The following SEMA4D variants were observed in gnomAD, a reference collection of about 807,000 sequenced individuals.
SEMA4D encodes semaphorin 4D.
In SEMA4D, 22 loss-of-function variants were observed where a neutral mutation model predicts 74.8. The ratio of observed to expected loss-of-function variants is 0.29; its 90% CI spans 0.21 to 0.42. The LOEUF is 0.42. SEMA4D is among the 10% of genes least tolerant of loss of function. The pLI is 1.00. For synonymous variants in SEMA4D, 445 were observed against 463.7 expected, an observed-to-expected ratio of 0.96 and a Z score of 0.52; for missense variants, 937 against 1,118.4, an observed-to-expected ratio of 0.84 and a Z score of 2.31.
intron 1 of SEMA4D, among the ~76,000 whole-genome samples, chr9:89,475,850 A>G (rs1473357677): frequency 1.3e-5 from 2 of 152,202 alleles, no homozygotes; most frequent in Non-Finnish European, 2.9e-5. Flanking sequence ...GAAAAAGAAA[A>G]TATCATGGAG....
chr9:89,376,878 G>A, downstream of SEMA4D: 1 of 1,550,860 alleles, frequency 6.4e-7, no homozygotes, highest in African/African-American at 1.4e-5. Context: ...GCGTGCACGT[G>A]CTGTGCCTGG....
chr9:89,372,494 A>G (rs1483864859), downstream of SEMA4D, among the ~76,000 whole-genome samples: 1 of 151,822 alleles, frequency 6.6e-6, no homozygotes, highest in Non-Finnish European at 1.5e-5. Context: ...TGCTAGCCGC[A>G]TGACAAAGCT....
intron 1 of SEMA4D, among the ~76,000 whole-genome samples, chr9:89,461,539 G>C (rs1043372930): frequency 2.6e-5 from 4 of 152,198 alleles, no homozygotes; most frequent in African/African-American, 9.7e-5. Context: ...CCCAGGACAA[G>C]TGTGGGCACC....
intron 1 of SEMA4D, among the ~76,000 whole-genome samples, chr9:89,466,044 T>G (rs1433610872): frequency 1.3e-5 from 2 of 152,070 alleles, no homozygotes; most frequent in Non-Finnish European, 2.9e-5. Context: ...GAGGAGATGG[T>G]CCACCATGTG....
chr9:89,365,261 T>C (rs375547138), intron 16 of SEMA4D: 3 of 152,398 alleles, frequency 2.0e-5, no homozygotes, highest in East Asian at 1.9e-4. Flanking sequence ...AGGTGCTCCT[T>C]CTGTCTCTGA....
intron 1 of SEMA4D, among the ~76,000 whole-genome samples, chr9:89,491,690 T>C (rs1825642050): frequency 6.6e-6 from 1 of 152,120 alleles, no homozygotes; most frequent in Admixed American, 6.5e-5. Flanking sequence ...GGGACCACTC[T>C]CAGAGAAGCA....
intron 1 of SEMA4D, among the ~76,000 whole-genome samples, chr9:89,458,170 C>G (rs757412407): frequency 2.7e-4 from 41 of 152,190 alleles, no homozygotes; most frequent in Non-Finnish European, 4.4e-5. Context: ...GGTGGCCTTA[C>G]GTATGCATGT....
chr9:89,472,049 C>T (rs949652342), intron 1 of SEMA4D, among the ~76,000 whole-genome samples: 2 of 152,200 alleles, frequency 1.3e-5, no homozygotes, highest in Non-Finnish European at 2.9e-5. Flanking sequence ...TGCATGCCCG[C>T]TTAGGTGCAC....
At chr9:89,363,656 C>T in intron 17 of SEMA4D, 1 of 1,592,120 alleles carries the variant, frequency 6.3e-7, no homozygotes, top group Non-Finnish European at 8.6e-7. Flanking sequence ...TGCAAGCATG[C>T]TTTCCAGCTG....
At chr9:89,421,348 A>T (rs1342523158) in intron 2 of SEMA4D, among the ~76,000 whole-genome samples, 1 of 151,972 alleles carries the variant, frequency 6.6e-6, no homozygotes, top group Non-Finnish European at 1.5e-5. Flanking sequence ...ATACCATTAC[A>T]CTCTGCTGAG....
downstream of SEMA4D, chr9:89,376,860 T>TC: frequency 6.5e-7 from 1 of 1,549,882 alleles, no homozygotes; most frequent in South Asian, 1.2e-5. Context: ...AGGTAGAAGT[T>TC]CCCCAGGGCG....
chr9:89,370,496 T>C (rs1455684976), intron 16 of SEMA4D, among the ~76,000 whole-genome samples: 1 of 141,370 alleles, frequency 7.1e-6, no homozygotes, highest in Non-Finnish European at 1.5e-5. Flanking sequence ...ATGAAGGAGG[T>C]ATGGTGTGTG....
At chr9:89,384,580 C>T (rs1014631204) in intron 13 of SEMA4D, 51 of 851,078 alleles carry the variant, frequency 6.0e-5, no homozygotes, top group East Asian at 1.2e-4. Context: ...TGCAAAACAA[C>T]GTGAATGTTC....
chr9:89,398,684 T>C (rs890790096), intron 5 of SEMA4D, among the ~76,000 whole-genome samples: 5 of 152,176 alleles, frequency 3.3e-5, no homozygotes, highest in Non-Finnish European at 5.9e-5. Flanking sequence ...CCTCTGGGGC[T>C]GCGGGGGTCA....
At chr9:89,366,949 A>G (rs1833766010) in intron 16 of SEMA4D, among the ~76,000 whole-genome samples, 1 of 152,168 alleles carries the variant, frequency 6.6e-6, no homozygotes, top group Admixed American at 6.5e-5. Flanking sequence ...GATTGGATTA[A>G]TCACCCAACG....
chr9:89,386,443 G>C lies in SEMA4D; in HGVS notation c.1370C>G (p.Ala457Gly), dbSNP rs749337216. 5.6e-5 allele frequency: 91 copies of C among 1,614,034 alleles called. No homozygotes were observed. Among genetic ancestry groups the C allele is most frequent in the Non-Finnish European group, 7.1e-5 (84 of 1,179,992 alleles). ...CTGGGTCTCCTCGATGATGTGAACA[G>C]CGTGCTCGAGGCTGATGGCTTTGTG... ...ALHKAISLEH[A>G]VHIIEETQLF... The change falls in exon 13 of 16, where the codon GCT (alanine) becomes GGT (glycine). Residue 457 changes from alanine to glycine, a missense_variant. Ala to Gly is a moderately conservative substitution (Grantham distance 60, BLOSUM62 0). Transcript: ENST00000422704.
intron 1 of SEMA4D, among the ~76,000 whole-genome samples, chr9:89,485,505 C>T (rs183432455): frequency 2.0e-5 from 3 of 152,144 alleles, no homozygotes; most frequent in East Asian, 1.9e-4. Flanking sequence ...AAACATTAAC[C>T]GGGCTGGGCA....
chr9:89,441,789 C>T (rs1048771253), intron 2 of SEMA4D, among the ~76,000 whole-genome samples: 10 of 152,202 alleles, frequency 6.6e-5, no homozygotes, highest in African/African-American at 2.4e-4. Flanking sequence ...ACCCCCCTCC[C>T]ACACTCCCAT....
rs113917908 is a variant in SEMA4D, at chr9:89,440,038, G to A, written c.-244+15850C>T. Among the ~76,000 whole-genome samples the A allele has an allele frequency of 6.0e-3, 910 of 152,314 alleles. 9 individuals are homozygous for A. Among genetic ancestry groups the A allele is most frequent in the African/African-American group, 0.021 (862 of 41,554 alleles). The stretch of plus-strand genomic sequence containing the variant: ...AGGAGCCGTGTCCAGGACACATGGA[G>A]ACCTGCCTGCTCTTAGTCCCACCAA... On this transcript the variant is annotated intron_variant, in intron 2 of 15. Coordinates refer to ENST00000422704, the MANE Select transcript of SEMA4D (RefSeq NM_001371194.2).
Sources: gnomAD v4.1 joint callset for allele counts (sites outside exome capture counted in the v4.1 genomes callset) on GRCh38, gnomAD v4.1.1 for gene constraint, MANE v1.5 for transcripts, NCBI Gene and HGNC (gene_info 2026-07-23, HGNC 2026-07-21) for gene names.